The following CLDN16 variants were observed in gnomAD, a reference collection of about 807,000 sequenced individuals.
The protein encoded by CLDN16 is claudin 16.
Under a neutral mutation model 24.6 loss-of-function variants are expected in CLDN16, and 13 were observed. The ratio of observed to expected loss-of-function variants is 0.53; its 90% CI spans 0.34 to 0.84. CLDN16 has a LOEUF of 0.84. Among genes scored for constraint, CLDN16 ranks in the 40% least tolerant of loss-of-function variants. CLDN16 has a pLI of 0.01. For synonymous variants in CLDN16, 116 were observed against 106.7 expected (o/e 1.09, Z -0.54); for missense variants, 298 against 292.7 (o/e 1.02, Z -0.13).
intron 3 of CLDN16, among the ~76,000 whole-genome samples, chr3:190,379,093 G>C (rs540542966): frequency 6.6e-6 from 1 of 151,978 alleles, no homozygotes; most frequent in Non-Finnish European, 1.5e-5. Flanking sequence ...TGTTGTTGTT[G>C]AGCCTCAGTT....
upstream of CLDN16, among the ~76,000 whole-genome samples, chr3:190,318,844 ACAT>A (rs1716838866): frequency 6.6e-6 from 1 of 152,202 alleles, no homozygotes; most frequent in Non-Finnish European, 1.5e-5. Flanking sequence ...ATTGAGCCTG[ACAT>A]CATGGTGAGA....
At chr3:190,308,216 A>T in the CLDN16 span, 4 of 1,577,902 alleles carry the variant, frequency 2.5e-6, no homozygotes, top group African/African-American at 5.4e-5. Context: ...AATGTTAATG[A>T]TAGTATCTCA....
chr3:190,355,468 A>G (rs1717748398), intron 1 of CLDN16, among the ~76,000 whole-genome samples: 1 of 151,850 alleles, frequency 6.6e-6, no homozygotes, highest in South Asian at 2.1e-4. Flanking sequence ...CTTTTTGGAA[A>G]ACTTTCTAAT....
chr3:190,372,068 G>A (rs1387396967), intron 2 of CLDN16, among the ~76,000 whole-genome samples: 2 of 151,964 alleles, frequency 1.3e-5, no homozygotes, highest in South Asian at 4.1e-4. Flanking sequence ...CAGGTCCCAT[G>A]CCCTGTCTCA....
intron 1 of CLDN16, 96 bp downstream of exon 1, chr3:190,388,539 C>T: frequency 3.0e-6 from 3 of 995,610 alleles, no homozygotes; most frequent in Non-Finnish European, 3.2e-6. Flanking sequence ...TTTACTAAGG[C>T]TAATGATACC....
chr3:190,335,708 C>CAAAAAAAAAAA (rs34082811), intron 1 of CLDN16, among the ~76,000 whole-genome samples: 2 of 60,148 alleles, frequency 3.3e-5, no homozygotes, highest in African/African-American at 1.3e-4. Context: ...AAGACTCCAT[C>CAAAAAAAAAAA]AAAAAAAAAA....
At chr3:190,374,384 C>T (rs1376830551) in intron 2 of CLDN16, 1 of 150,246 alleles carries the variant, frequency 6.7e-6, no homozygotes, top group African/African-American at 2.4e-5. Flanking sequence ...CAACAAGTTC[C>T]ATGAATTGCT....
the CLDN16 span, among the ~76,000 whole-genome samples, chr3:190,311,595 T>C: frequency 1.3e-5 from 2 of 151,466 alleles, no homozygotes; most frequent in South Asian, 2.1e-4. Flanking sequence ...ATTAATTATA[T>C]CTGTTATTTT....
the CLDN16 span, among the ~76,000 whole-genome samples, chr3:190,311,095 G>T: frequency 6.6e-6 from 1 of 152,172 alleles, no homozygotes; most frequent in Non-Finnish European, 1.5e-5. Context: ...CTCTAGACAT[G>T]ACAGAAAACA....
chr3:190,354,570 C>T (rs1717729207), intron 1 of CLDN16, among the ~76,000 whole-genome samples: 1 of 151,982 alleles, frequency 6.6e-6, no homozygotes, highest in Non-Finnish European at 1.5e-5. Flanking sequence ...TGAGATGGCA[C>T]GTGATCCAGT....
At chr3:190,304,510 C>G in the CLDN16 span, among the ~76,000 whole-genome samples, 1 of 151,924 alleles carries the variant, frequency 6.6e-6, no homozygotes, top group Non-Finnish European at 1.5e-5. Context: ...GTGGAGTGTG[C>G]CAACTGCCAA....
chr3:190,299,398 C>G, the CLDN16 span, among the ~76,000 whole-genome samples: 1 of 151,994 alleles, frequency 6.6e-6, no homozygotes, highest in South Asian at 2.1e-4. Context: ...ATTGCCCCTT[C>G]TGATGTTTCT....
chr3:190,322,780 G>A (rs906133404), intron 1 of CLDN16: 4 of 155,472 alleles, frequency 2.6e-5, no homozygotes, highest in Non-Finnish European at 5.7e-5. Context: ...GCAGTTTTAG[G>A]TTTAATACTT....
chr3:190,291,298 G>C, the CLDN16 span, among the ~76,000 whole-genome samples: 5 of 152,254 alleles, frequency 3.3e-5, no homozygotes, highest in East Asian at 9.7e-4. Flanking sequence ...CCAAGACTGG[G>C]TAAATTATTA....
intron 3 of CLDN16, among the ~76,000 whole-genome samples, chr3:190,382,540 T>A (rs1017447188): frequency 2.0e-5 from 3 of 152,156 alleles, no homozygotes; most frequent in Non-Finnish European, 4.4e-5. Context: ...AGGTAACATT[T>A]GTACCAATGG....
At position 190,408,442 on chromosome 3, in the gene CLDN16, G is replaced by T; in HGVS notation, c.511G>T (p.Ala171Ser). ...TGGTTGGTCCTGTTGGCTCGGAATG[G>T]CTGGGTCTCTGGGTTGCTTTTTGGC... ...KFGWSCWLGMAGSLGCFLAGA... is the reference protein window; with the variant it reads ...KFGWSCWLGMSGSLGCFLAGA... The change falls in exon 4 of 5, where the codon GCT (alanine) becomes TCT (serine). Residue 171 changes from alanine to serine, a missense_variant. By Grantham distance (99) the Ala-to-Ser change is moderately conservative. Transcript: ENST00000264734. 1 of 1,614,002 alleles carries T rather than the reference G, an allele frequency of 6.2e-7. No individual in the cohort carries two copies.
upstream of CLDN16, among the ~76,000 whole-genome samples, chr3:190,319,210 T>G (rs1417192548): frequency 6.6e-6 from 1 of 152,148 alleles, no homozygotes; most frequent in African/African-American, 2.4e-5. Flanking sequence ...GAGAATTAGA[T>G]GAAAACAAGG....
chr3:190,340,582 CA>C (rs1450423381), intron 1 of CLDN16, among the ~76,000 whole-genome samples: 10 of 152,232 alleles, frequency 6.6e-5, no homozygotes, highest in Admixed American at 6.5e-4. Flanking sequence ...GTGGGAGTTA[CA>C]AATCAAGATG....
At chr3:190,379,664 G>A (rs1008073038) in intron 3 of CLDN16, among the ~76,000 whole-genome samples, 1 of 151,990 alleles carries the variant, frequency 6.6e-6, no homozygotes, top group Non-Finnish European at 1.5e-5. Context: ...ACAAGCACAG[G>A]CAAAAGAAAG....
Sources: allele counts gnomAD v4.1 joint callset (sites outside exome capture counted in the v4.1 genomes callset), GRCh38; gene constraint gnomAD v4.1.1; transcripts MANE v1.5; gene names NCBI Gene and HGNC (gene_info 2026-07-23, HGNC 2026-07-21).